CPVL: variants seen among roughly 807,000 people sequenced by gnomAD.
CPVL encodes the protein carboxypeptidase vitellogenic like, also known as probable serine carboxypeptidase CPVL.
Under a neutral mutation model 63.7 loss-of-function variants are expected in CPVL, and 51 were observed. The observed-to-expected ratio is 0.80, with a 90% CI of 0.64 to 1.01. CPVL has a LOEUF of 1.01. CPVL is among the 50% of genes least tolerant of loss of function. CPVL has a pLI of 0.00. For synonymous variants in CPVL, 195 were observed against 206.0 expected (o/e 0.95, Z 0.46); for missense variants, 530 against 573.1 (o/e 0.92, Z 0.77).
intron 1 of CPVL, among the ~76,000 whole-genome samples, chr7:29,139,006 C>T (rs1030275698): frequency 6.6e-5 from 10 of 152,206 alleles, no homozygotes; most frequent in African/African-American, 2.4e-4. Flanking sequence ...ATGTATTTCT[C>T]ATATTCTCTG....
intron 3 of CPVL, among the ~76,000 whole-genome samples, chr7:29,105,722 C>T (rs902962586): frequency 3.3e-5 from 5 of 152,032 alleles, no homozygotes; most frequent in African/African-American, 7.3e-5. Flanking sequence ...TTTACTCTGG[C>T]CCCAGCCAGC....
At chr7:29,128,447 G>A (rs903792341) in intron 1 of CPVL, among the ~76,000 whole-genome samples, 2 of 152,040 alleles carry the variant, frequency 1.3e-5, no homozygotes, top group African/African-American at 2.4e-5. Flanking sequence ...CCGGCATGAT[G>A]GCTTATGCCT....
intron 1 of CPVL, chr7:29,145,793 A>G (rs1792506752): frequency 6.6e-6 from 1 of 152,230 alleles, no homozygotes; most frequent in Non-Finnish European, 1.5e-5. Context: ...AGCCAAGGCC[A>G]GAACTGGGAT....
At chr7:29,132,902 A>T (rs994426018) in intron 1 of CPVL, among the ~76,000 whole-genome samples, 1 of 152,200 alleles carries the variant, frequency 6.6e-6, no homozygotes, top group Non-Finnish European at 1.5e-5. Flanking sequence ...CAGCTTCATC[A>T]GTCATACCCA....
At chr7:29,067,364 T>C (rs1272941094) in intron 9 of CPVL, among the ~76,000 whole-genome samples, 1 of 152,008 alleles carries the variant, frequency 6.6e-6, no homozygotes, top group East Asian at 1.9e-4. Flanking sequence ...CAGGGGTTGG[T>C]AGGCAGACAC....
intron 5 of CPVL, among the ~76,000 whole-genome samples, chr7:29,157,701 C>G (rs1170519893): frequency 1.3e-5 from 2 of 152,208 alleles, no homozygotes; most frequent in Non-Finnish European, 2.9e-5. Context: ...TGAAAAGCCA[C>G]TCAATGACCT....
intron 5 of CPVL, among the ~76,000 whole-genome samples, chr7:29,092,933 T>G (rs1191683048): frequency 6.6e-6 from 1 of 152,136 alleles, no homozygotes; most frequent in African/African-American, 2.4e-5. Context: ...AGCTTTGCCC[T>G]GGGGTCAGTG....
intron 12 of CPVL, among the ~76,000 whole-genome samples, chr7:29,005,342 G>A (rs582753): frequency 0.44 from 66,406 of 152,006 alleles, 16,561 homozygotes; most frequent in Non-Finnish European, 0.58. Flanking sequence ...AGAAATTACA[G>A]CACTAATAAA....
intron 7 of CPVL, among the ~76,000 whole-genome samples, chr7:29,079,331 C>A (rs1310056355): frequency 6.6e-6 from 1 of 152,158 alleles, no homozygotes; most frequent in Admixed American, 6.5e-5. Context: ...GTGAACAAGG[C>A]TGCACCACTA....
intron 1 of CPVL, chr7:29,128,175 G>GTTTTTT (rs67806252): frequency 7.2e-6 from 1 of 139,604 alleles, no homozygotes; most frequent in Non-Finnish European, 1.6e-5. Flanking sequence ...AAAGTTAAGA[G>GTTTTTT]TTTTTTTTTT....
At chr7:29,154,763 A>G (rs1794099444) in intron 5 of CPVL, among the ~76,000 whole-genome samples, 2 of 152,332 alleles carry the variant, frequency 1.3e-5, no homozygotes, top group Middle Eastern at 3.4e-3. Context: ...AGAACCCGGA[A>G]GGCAGAGGTT....
intron 12 of CPVL, among the ~76,000 whole-genome samples, chr7:29,004,095 T>A (rs1318263732): frequency 6.6e-6 from 1 of 152,226 alleles, no homozygotes; most frequent in Non-Finnish European, 1.5e-5. Context: ...AGGATATATG[T>A]CATAATCTCT....
intron 1 of CPVL, among the ~76,000 whole-genome samples, chr7:29,144,309 C>T (rs141451475): frequency 0.016 from 2,493 of 152,068 alleles, 60 homozygotes; most frequent in African/African-American, 0.057. Context: ...GCCTGTAATC[C>T]CAGCACTTTG....
At chr7:29,030,067 G>A (rs144199128) in intron 12 of CPVL, among the ~76,000 whole-genome samples, 203 of 152,224 alleles carry the variant, frequency 1.3e-3, no homozygotes, top group African/African-American at 4.6e-3. Context: ...ATTTTATGAG[G>A]CCAGTATAAC....
At chr7:29,039,645 A>C (rs1158735707) in intron 11 of CPVL, among the ~76,000 whole-genome samples, 1 of 152,084 alleles carries the variant, frequency 6.6e-6, no homozygotes, top group Non-Finnish European at 1.5e-5. Flanking sequence ...CTAAACTTTA[A>C]CCATTTTTTG....
chr7:29,054,546 C>CT (rs1790518242), intron 11 of CPVL, among the ~76,000 whole-genome samples: 1 of 152,082 alleles, frequency 6.6e-6, no homozygotes, highest in Non-Finnish European at 1.5e-5. Flanking sequence ...ATTCTCTTTG[C>CT]TTTTTGCTAT....
intron 12 of CPVL, among the ~76,000 whole-genome samples, chr7:29,019,982 C>T (rs1312073757): frequency 6.6e-6 from 1 of 152,182 alleles, no homozygotes; most frequent in Non-Finnish European, 1.5e-5. Context: ...ACCATTTCAT[C>T]TCTAAATGTG....
rs1329120110 is a variant in CPVL at position 29,121,051 on chromosome 7, G to C, written c.11C>G (p.Ala4Gly). The C allele has an allele frequency of 1.1e-5, 18 of 1,600,144 alleles. No homozygotes were observed. The highest frequency in any genetic ancestry group is 1.5e-5 in the Non-Finnish European group (18 of 1,175,578). The change falls in exon 2 of 13, where the codon GCC (alanine) becomes GGC (glycine). Residue 4 changes from alanine (A) to glycine (G), a missense_variant. By Grantham distance (60) the Ala-to-Gly change is moderately conservative. Transcript: ENST00000265394. ...CAGCGAAACAATCACCTTCCACATG[G>C]CACCAACCATCTCTCAGGGTCTAGG... is the stretch of plus-strand genomic sequence containing the variant. MVG[A>G]MWKVIVSLVL...
chr7:29,073,320 AT>A (rs1158077947), intron 7 of CPVL, among the ~76,000 whole-genome samples: 1 of 152,114 alleles, frequency 6.6e-6, no homozygotes, highest in Non-Finnish European at 1.5e-5. Flanking sequence ...TTCTAACAAA[AT>A]CTGTCCAGAG....
Sources: gnomAD v4.1 joint callset for allele counts (sites outside exome capture counted in the v4.1 genomes callset) on GRCh38, gnomAD v4.1.1 for gene constraint, MANE v1.5 for transcripts, NCBI Gene and HGNC (gene_info 2026-07-23, HGNC 2026-07-21) for gene names.